GRID2: variants seen among roughly 807,000 people sequenced by gnomAD.
GRID2 encodes glutamate receptor ionotropic, delta-2.
In GRID2, 33 loss-of-function variants were observed where a neutral mutation model predicts 114.8. The observed-to-expected ratio is 0.29, with a 90% CI of 0.22 to 0.38. The LOEUF is 0.38. Among genes scored for constraint, GRID2 ranks in the 10% least tolerant of loss-of-function variants. The pLI is 1.00. For missense variants in GRID2, 1,184 were observed against 1,257.7 expected (o/e 0.94, Z 0.89); for synonymous variants, 505 against 449.9 (o/e 1.12, Z -1.55).
intron 1 of GRID2, among the ~76,000 whole-genome samples, chr4:92,548,504 T>G (rs940857546): frequency 1.6e-4 from 23 of 144,686 alleles, no homozygotes; most frequent in Admixed American, 1.4e-3. Flanking sequence ...CGGGTTCAAG[T>G]GATTCTCCTG....
At chr4:92,672,994 G>A (rs1733151678) in intron 2 of GRID2, among the ~76,000 whole-genome samples, 1 of 151,974 alleles carries the variant, frequency 6.6e-6, no homozygotes, top group Non-Finnish European at 1.5e-5. Flanking sequence ...CCAAGTTTCT[G>A]GAACCACCAG....
At chr4:92,987,324 ACT>A (rs1400164697) in intron 2 of GRID2, among the ~76,000 whole-genome samples, 2 of 152,078 alleles carry the variant, frequency 1.3e-5, no homozygotes, top group African/African-American at 2.4e-5. Context: ...CAGAAGGGTA[ACT>A]CTTCATGTAA....
chr4:93,090,186 T>C (rs896000606), intron 3 of GRID2, among the ~76,000 whole-genome samples: 2 of 152,194 alleles, frequency 1.3e-5, no homozygotes, highest in African/African-American at 2.4e-5. Flanking sequence ...TTTTCTCATC[T>C]GTATTTATTT....
intron 2 of GRID2, among the ~76,000 whole-genome samples, chr4:92,854,698 A>G (rs533692181): frequency 1.3e-5 from 2 of 152,054 alleles, no homozygotes; most frequent in Non-Finnish European, 2.9e-5. Context: ...AGTTTTACGA[A>G]CAAGTGCAGG....
At chr4:93,063,206 T>C (rs2149295422) in intron 2 of GRID2, among the ~76,000 whole-genome samples, 1 of 152,062 alleles carries the variant, frequency 6.6e-6, no homozygotes, top group East Asian at 1.9e-4. Context: ...AGAATTATAA[T>C]GATATCATTT....
At chr4:92,405,421 A>G (rs962634684) in intron 1 of GRID2, among the ~76,000 whole-genome samples, 2 of 152,172 alleles carry the variant, frequency 1.3e-5, no homozygotes, top group African/African-American at 4.8e-5. Context: ...ACTAACAACC[A>G]TGTAAATTTT....
intron 14 of GRID2, among the ~76,000 whole-genome samples, chr4:93,756,612 A>G (rs538059977): frequency 1.3e-5 from 2 of 152,268 alleles, no homozygotes; most frequent in South Asian, 4.1e-4. Context: ...TGGTCCCTTC[A>G]AATCAGGTCC....
chr4:92,383,476 A>C (rs1729715314), intron 1 of GRID2, among the ~76,000 whole-genome samples: 1 of 152,054 alleles, frequency 6.6e-6, no homozygotes, highest in African/African-American at 2.4e-5. Context: ...CTAACGTAAG[A>C]AACATGCCAG....
intron 1 of GRID2, among the ~76,000 whole-genome samples, chr4:92,580,011 T>C (rs1728100762): frequency 6.8e-6 from 1 of 147,862 alleles, no homozygotes; most frequent in Non-Finnish European, 1.5e-5. Context: ...ATTTTATATA[T>C]AGTATAATGG....
At chr4:92,763,679 T>G (rs1326593249) in intron 2 of GRID2, among the ~76,000 whole-genome samples, 1 of 152,188 alleles carries the variant, frequency 6.6e-6, no homozygotes, top group Non-Finnish European at 1.5e-5. Flanking sequence ...GATCATAGAA[T>G]GCACTTTATG....
intron 14 of GRID2, among the ~76,000 whole-genome samples, chr4:93,760,618 CCCAGGT>C (rs889767415): frequency 6.6e-6 from 1 of 152,116 alleles, no homozygotes; most frequent in African/African-American, 2.4e-5. Flanking sequence ...GATCCCATCT[CCCAGGT>C]CCAGTACTAA....
intron 2 of GRID2, among the ~76,000 whole-genome samples, chr4:92,906,168 C>T (rs1368940838): frequency 6.6e-6 from 1 of 152,142 alleles, no homozygotes; most frequent in Non-Finnish European, 1.5e-5. Context: ...TTTTTAGTGA[C>T]AATTTGATTA....
chr4:93,759,203 T>C (rs1476296883), intron 14 of GRID2, among the ~76,000 whole-genome samples: 1 of 152,180 alleles, frequency 6.6e-6, no homozygotes, highest in African/African-American at 2.4e-5. Context: ...ATCCGTCATG[T>C]TGCTAATTTG....
chr4:92,890,130 G>A (rs1317366476), intron 2 of GRID2, among the ~76,000 whole-genome samples: 4 of 152,124 alleles, frequency 2.6e-5, no homozygotes, highest in Non-Finnish European at 5.9e-5. Flanking sequence ...ATGAATTAAA[G>A]ACTTAAACGA....
At chr4:93,091,785 T>G (rs1447501651) in intron 3 of GRID2, among the ~76,000 whole-genome samples, 1 of 152,216 alleles carries the variant, frequency 6.6e-6, no homozygotes, top group African/African-American at 2.4e-5. Flanking sequence ...ATCCTTATGA[T>G]CCAGAATCAT....
intron 8 of GRID2, among the ~76,000 whole-genome samples, chr4:93,380,175 G>A (rs193195043): frequency 4.7e-4 from 71 of 152,134 alleles, no homozygotes; most frequent in Middle Eastern, 3.4e-3. Context: ...CAAATCTAAT[G>A]GCAAGTATCT....
intron 1 of GRID2, among the ~76,000 whole-genome samples, chr4:92,403,229 G>A (rs1730871229): frequency 6.6e-6 from 1 of 152,110 alleles, no homozygotes; most frequent in Non-Finnish European, 1.5e-5. Context: ...TCAGGAAGAA[G>A]CTTTTTTGCT....
chr4:93,067,591 C>T (rs933286879), intron 2 of GRID2, among the ~76,000 whole-genome samples: 5 of 151,996 alleles, frequency 3.3e-5, no homozygotes, highest in African/African-American at 7.2e-5. Context: ...TTTTATTATA[C>T]GAATTTGGGG....
intron 1 of GRID2, among the ~76,000 whole-genome samples, chr4:92,512,201 T>C (rs1233395168): frequency 1.3e-5 from 2 of 151,932 alleles, no homozygotes; most frequent in Non-Finnish European, 2.9e-5. Context: ...TGTTTCAGAA[T>C]ACTCTTGCTT....
Sources: allele counts gnomAD v4.1 joint callset (sites outside exome capture counted in the v4.1 genomes callset), GRCh38; gene constraint gnomAD v4.1.1; transcripts MANE v1.5; gene names NCBI Gene and HGNC (gene_info 2026-07-23, HGNC 2026-07-21).